Variants in KIAA1217 observed in about 807,000 individuals in gnomAD.
The protein encoded by KIAA1217 is sickle tail protein homolog.
KIAA1217 carries 88 observed loss-of-function variants against 163.9 expected under a neutral mutation model. That is an observed-to-expected ratio of 0.54 (90% confidence interval 0.45 to 0.64). KIAA1217 has a LOEUF of 0.64. Ranked by LOEUF, KIAA1217 falls within the 30% of genes least tolerant of loss-of-function variation. The pLI, the probability that KIAA1217 is intolerant of heterozygous loss-of-function variation, is 0.00. For synonymous variants in KIAA1217, 903 were observed against 923.1 expected, an observed-to-expected ratio of 0.98 and a Z score of 0.39; for missense variants, 2,372 against 2,475.0, an observed-to-expected ratio of 0.96 and a Z score of 0.88.
chr10:23,918,451 G>T (rs1026689015), intron 1 of KIAA1217, among the ~76,000 whole-genome samples: 3 of 152,030 alleles, frequency 2.0e-5, no homozygotes, highest in African/African-American at 7.2e-5. Flanking sequence ...CTGCCCTTTC[G>T]GGAAGCTGTG....
At chr10:24,243,643 A>AATATATAT (rs575219004) in intron 2 of KIAA1217, among the ~76,000 whole-genome samples, 3 of 136,318 alleles carry the variant, frequency 2.2e-5, no homozygotes, top group African/African-American at 7.5e-5. Flanking sequence ...TATATACAGG[A>AATATATAT]ATATATATAT....
chr10:24,241,302 A>C (rs2073064486), intron 2 of KIAA1217, among the ~76,000 whole-genome samples: 1 of 152,232 alleles, frequency 6.6e-6, no homozygotes, highest in African/African-American at 2.4e-5. Flanking sequence ...AATAACTCCC[A>C]GCAGCAGCAA....
chr10:24,151,109 T>C (rs991238038), intron 2 of KIAA1217, among the ~76,000 whole-genome samples: 2 of 151,612 alleles, frequency 1.3e-5, no homozygotes, highest in African/African-American at 4.8e-5. Flanking sequence ...GATAGTAGAG[T>C]CAGGGGCAGG....
intron 1 of KIAA1217, among the ~76,000 whole-genome samples, chr10:23,941,089 T>C (rs1339412364): frequency 6.6e-6 from 1 of 152,174 alleles, no homozygotes; most frequent in African/African-American, 2.4e-5. Context: ...GCATAGGACA[T>C]TACATTACTT....
chr10:24,474,184 A>T lies in KIAA1217; in HGVS notation c.1679+124A>T, dbSNP rs547917623. The T allele has an allele frequency of 7.1e-5, 50 of 708,656 alleles. 1 individual carries two copies. The East Asian group carries it at 1.3e-3, about 19-fold the overall frequency. The allele number at this position is 708,656 out of a possible 1,614,324, so 43.9% of individuals were successfully genotyped here. ...CCCATCTCTGCAGCATGTCCTGTGG[A>T]TGCTGCAGGAGTCACAGAGTGGTGT... On this transcript the variant is annotated intron_variant, in intron 6 of 20. Coordinates refer to ENST00000376454, the MANE Select transcript of KIAA1217 (RefSeq NM_019590.5).
At chr10:24,159,951 G>A (rs1362064073) in intron 2 of KIAA1217, among the ~76,000 whole-genome samples, 4 of 152,110 alleles carry the variant, frequency 2.6e-5, no homozygotes, top group Admixed American at 2.6e-4. Context: ...AGAACCACTT[G>A]TTGAAAAGCT....
chr10:24,536,693 G>T, intron 16 of KIAA1217, 81 bp from the exon 17 acceptor site: 3 of 1,485,308 alleles, frequency 2.0e-6, no homozygotes, highest in Non-Finnish European at 2.8e-6. Flanking sequence ...GTCCACAAGC[G>T]TCTGGTTGTT....
chr10:23,895,666 T>C lies in KIAA1217; in HGVS notation c.-320-111559T>C, dbSNP rs540324433. 3.3e-5 allele frequency among the ~76,000 whole-genome samples: 5 copies of C among 152,056 alleles called. No homozygotes were observed. In the South Asian group the frequency reaches 6.2e-4, roughly 19 times the overall value. On this transcript the variant is annotated intron_variant, in intron 1 of 18. Transcript: ENST00000376462. ...GGTATATACCCAAAGGACTGTAAAT[T>C]ATGCTGCTATAAAGACACATGCACA...
chr10:24,346,534 C>T lies in KIAA1217; in HGVS notation c.355-34335C>T, dbSNP rs993065011. On this transcript the variant is annotated intron_variant, in intron 2 of 20. Transcript: ENST00000376454. Reference sequence around the variant, plus strand: ...ACATTTTGTTTATTCATTCATCTGTCAAAGGACATTTGGTATTTTGGGTTT... The same window carrying T: ...ACATTTTGTTTATTCATTCATCTGTTAAAGGACATTTGGTATTTTGGGTTT... 2.0e-5 allele frequency among the ~76,000 whole-genome samples: 3 copies of T among 149,782 alleles called. No homozygotes were observed. The East Asian group carries it at 5.9e-4, about 30-fold the overall frequency.
chr10:23,773,361 T>G (rs1335100493), intron 1 of KIAA1217, among the ~76,000 whole-genome samples: 1 of 151,824 alleles, frequency 6.6e-6, no homozygotes, highest in East Asian at 1.9e-4. Flanking sequence ...TTTTGGTTAC[T>G]GTAGCCTTGT....
At chr10:24,403,207 T>A (rs575407741) in intron 3 of KIAA1217, among the ~76,000 whole-genome samples, 2 of 152,244 alleles carry the variant, frequency 1.3e-5, no homozygotes, top group East Asian at 3.9e-4. Flanking sequence ...AAGTTGATAA[T>A]TGGATCTTAT....
At chr10:24,310,193 A>T (rs2042524915) in intron 2 of KIAA1217, among the ~76,000 whole-genome samples, 1 of 152,154 alleles carries the variant, frequency 6.6e-6, no homozygotes, top group African/African-American at 2.4e-5. Context: ...CTGTCCAACA[A>T]CTCCATGAAA....
chr10:23,783,113 C>T (rs1248424416), intron 1 of KIAA1217, among the ~76,000 whole-genome samples: 2 of 152,254 alleles, frequency 1.3e-5, no homozygotes, highest in East Asian at 3.9e-4. Context: ...CTTTTGGCTT[C>T]CCTGGGCCAC....
At chr10:24,161,386 C>A (rs1293413888) in intron 2 of KIAA1217, among the ~76,000 whole-genome samples, 2 of 152,162 alleles carry the variant, frequency 1.3e-5, no homozygotes, top group African/African-American at 4.8e-5. Context: ...TTCAGCATCC[C>A]CTGTGATGTC....
chr10:23,854,003 C>T (rs1313931427), intron 1 of KIAA1217, among the ~76,000 whole-genome samples: 1 of 152,078 alleles, frequency 6.6e-6, no homozygotes, highest in East Asian at 1.9e-4. Flanking sequence ...ATTTTTGTGT[C>T]TCTATTTCCT....
chr10:23,760,627 A>G (rs1834211083), intron 1 of KIAA1217, among the ~76,000 whole-genome samples: 1 of 152,204 alleles, frequency 6.6e-6, no homozygotes, highest in African/African-American at 2.4e-5. Flanking sequence ...GAATGATTTT[A>G]AAAATGAATC....
chr10:23,837,428 G>A (rs1304830591), intron 1 of KIAA1217, among the ~76,000 whole-genome samples: 1 of 152,086 alleles, frequency 6.6e-6, no homozygotes, highest in African/African-American at 2.4e-5. Flanking sequence ...TAATCCCCAA[G>A]GTTCTTCTTC....
intron 2 of KIAA1217, chr10:24,239,267 A>G: frequency 2.0e-6 from 2 of 985,458 alleles, no homozygotes; most frequent in Non-Finnish European, 2.4e-6. Flanking sequence ...AGTCCGTTCC[A>G]GACAAAAACT....
At chr10:24,000,202 T>C (rs1846675454) in intron 1 of KIAA1217, among the ~76,000 whole-genome samples, 1 of 152,170 alleles carries the variant, frequency 6.6e-6, no homozygotes, top group Admixed American at 6.5e-5. Flanking sequence ...AGCGATATGG[T>C]TTGGTTGTGT....
Sources: allele counts gnomAD v4.1 joint callset (sites outside exome capture counted in the v4.1 genomes callset), GRCh38; gene constraint gnomAD v4.1.1; transcripts MANE v1.5; gene names NCBI Gene and HGNC (gene_info 2026-07-23, HGNC 2026-07-21).